The following AOAH variants were observed in gnomAD, a reference collection of about 807,000 sequenced individuals.
AOAH encodes the protein acyloxyacyl hydrolase (neutrophil).
Under a neutral mutation model 92.2 loss-of-function variants are expected in AOAH, and 64 were observed. That is an observed-to-expected ratio of 0.69 (90% confidence interval 0.57 to 0.86). AOAH has a LOEUF of 0.86. AOAH is among the 40% of genes least tolerant of loss of function. The probability of loss-of-function intolerance (pLI) is 0.00; values close to 1 mark genes in which losing one functional copy is unlikely to be tolerated. For synonymous variants in AOAH, 263 were observed against 254.5 expected, an observed-to-expected ratio of 1.03 and a Z score of -0.32; for missense variants, 656 against 694.6, an observed-to-expected ratio of 0.94 and a Z score of 0.62.
chr7:36,558,569 C>T lies in AOAH; in HGVS notation c.1022-9094G>A, dbSNP rs573092394. On this transcript the variant is annotated intron_variant, in intron 13 of 20. Transcript: ENST00000617537. ...TGTCTTTTTGTTTGTCTGTGCCCTGCCCCCAGAGGTGGAGCCTACAGAGGC... is the reference window on the plus strand; with the variant it reads ...TGTCTTTTTGTTTGTCTGTGCCCTGTCCCCAGAGGTGGAGCCTACAGAGGC... Among the ~76,000 whole-genome samples the T allele has an allele frequency of 2.0e-3, 311 of 152,380 alleles. 1 individual carries two copies. Among genetic ancestry groups the T allele is most frequent in the African/African-American group, 7.3e-3 (304 of 41,590 alleles).
chr7:36,560,387 T>C (rs1787169165), intron 13 of AOAH, among the ~76,000 whole-genome samples: 1 of 152,180 alleles, frequency 6.6e-6, no homozygotes, highest in African/African-American at 2.4e-5. Context: ...TTTCCATTTG[T>C]TTTGTGTCAT....
At position 36,686,775 on chromosome 7, in the gene AOAH, A is replaced by G. The variant is rs201507583; in HGVS notation, c.147T>C (p.Ser49=). ...GAACTTGAGCAAGCTGTTCTATTAC[A>G]GACACCACCAGCACACACCCTGCCA... ...HTCVGCVLVV[S]VIEQLAQVHN... The change falls in exon 2 of 21, where the codon TCT becomes TCC. Residue 49 remains serine, a synonymous_variant. Coordinates refer to ENST00000617537, the MANE Select transcript of AOAH (RefSeq NM_001637.4). The G allele has an allele frequency of 1.4e-4, 228 of 1,574,098 alleles. No homozygotes were observed. The highest frequency in any genetic ancestry group is 1.9e-4 in the Non-Finnish European group (216 of 1,159,568).
intron 4 of AOAH, among the ~76,000 whole-genome samples, chr7:36,640,852 T>G (rs538274281): frequency 1.3e-5 from 2 of 152,192 alleles, no homozygotes; most frequent in African/African-American, 4.8e-5. Flanking sequence ...CTGGCCGACT[T>G]GAAGCCGCTG....
chr7:36,645,412 C>A (rs562788236), intron 4 of AOAH, among the ~76,000 whole-genome samples: 11 of 152,284 alleles, frequency 7.2e-5, no homozygotes, highest in South Asian at 6.2e-4. Flanking sequence ...TTGTAAGGCA[C>A]ACAGTCTAGG....
Position 36,513,266 on chromosome 7 carries a change from G to T in AOAH, c.1714C>A (p.Gln572Lys), listed in dbSNP as rs1790148687. The change falls in exon 21 of 21, where the codon CAA (glutamine) becomes AAA (lysine). Residue 572 changes from glutamine to lysine, a missense_variant. Gln to Lys is a moderately conservative substitution (Grantham distance 53). Transcript: ENST00000617537. ...NPQIKQVFGD[Q>K]GGH Reference sequence around the variant, plus strand: ...TCCTGAGAGGCTCAGTGCCCGCCTTGGTCTCCAAACACCTGTTTAATCTGG... The same window carrying T: ...TCCTGAGAGGCTCAGTGCCCGCCTTTGTCTCCAAACACCTGTTTAATCTGG... The T allele has an allele frequency of 6.2e-7, 1 of 1,614,088 alleles. No homozygotes were observed. The highest frequency in any genetic ancestry group is 1.3e-5 in the African/African-American group (1 of 75,010).
chr7:36,684,881 T>C (rs1252003469), intron 2 of AOAH, among the ~76,000 whole-genome samples: 3 of 115,498 alleles, frequency 2.6e-5, no homozygotes, highest in Non-Finnish European at 4.8e-5. Context: ...CAGTTCACCC[T>C]GGGCGACAGA....
At chr7:36,648,154 G>A (rs1410866283) in intron 4 of AOAH, among the ~76,000 whole-genome samples, 1 of 152,028 alleles carries the variant, frequency 6.6e-6, no homozygotes, top group Non-Finnish European at 1.5e-5. Flanking sequence ...ATTACGCCCG[G>A]CCCTCTTAGA....
intron 16 of AOAH, among the ~76,000 whole-genome samples, chr7:36,539,962 T>C (rs935962773): frequency 5.3e-5 from 8 of 152,342 alleles, no homozygotes; most frequent in South Asian, 2.1e-4. Flanking sequence ...GCACTTACCA[T>C]TGAGGTTCAG....
At chr7:36,671,580 AGT>A (rs2116638201) in intron 3 of AOAH, among the ~76,000 whole-genome samples, 1 of 151,558 alleles carries the variant, frequency 6.6e-6, no homozygotes, top group South Asian at 2.1e-4. Context: ...TGTCTGTATG[AGT>A]GTGCATGTGC....
chr7:36,680,523 T>C (rs768792287), intron 2 of AOAH, among the ~76,000 whole-genome samples: 3 of 152,210 alleles, frequency 2.0e-5, no homozygotes, highest in Non-Finnish European at 4.4e-5. Flanking sequence ...CAGAAGGCAA[T>C]GCAATATTGG....
intron 10 of AOAH, among the ~76,000 whole-genome samples, chr7:36,617,467 G>A (rs1365667272): frequency 6.6e-6 from 1 of 152,198 alleles, no homozygotes; most frequent in Non-Finnish European, 1.5e-5. Context: ...AGGGCTTAAA[G>A]ACAATTAGGC....
At chr7:36,591,226 C>T (rs1046324079) in intron 12 of AOAH, among the ~76,000 whole-genome samples, 1 of 152,158 alleles carries the variant, frequency 6.6e-6, no homozygotes, top group Non-Finnish European at 1.5e-5. Context: ...AGCTTGGGGT[C>T]CCACAAACAC....
intron 20 of AOAH, among the ~76,000 whole-genome samples, chr7:36,515,374 C>CAT (rs1355604144): frequency 6.5e-5 from 8 of 123,108 alleles, no homozygotes; most frequent in African/African-American, 9.4e-5. Context: ...ACACCACACA[C>CAT]ACCACACCCC....
At chr7:36,716,127 C>G (rs539401038) in intron 1 of AOAH, among the ~76,000 whole-genome samples, 11 of 152,120 alleles carry the variant, frequency 7.2e-5, no homozygotes, top group Non-Finnish European at 1.6e-4. Flanking sequence ...AACAAATTTA[C>G]AAGAAAAAAC....
intron 5 of AOAH, among the ~76,000 whole-genome samples, chr7:36,632,853 G>A (rs1349606251): frequency 1.3e-5 from 2 of 152,236 alleles, no homozygotes; most frequent in Non-Finnish European, 2.9e-5. Context: ...CCTGGCAAGA[G>A]AGAATCAGCA....
At chr7:36,513,438 A>G in intron 20 of AOAH, 58 bp from the exon 21 acceptor site, 1 of 1,562,778 alleles carries the variant, frequency 6.4e-7, no homozygotes, top group Non-Finnish European at 8.7e-7. Context: ...TCACTTACCA[A>G]CAAGATTTCC....
At chr7:36,681,907 T>A (rs565579288) in intron 2 of AOAH, among the ~76,000 whole-genome samples, 2 of 152,068 alleles carry the variant, frequency 1.3e-5, no homozygotes, top group Non-Finnish European at 2.9e-5. Context: ...CAATGTGCAA[T>A]TAGGTGAGAA....
chr7:36,579,835 A>G (rs1041644520), intron 12 of AOAH, among the ~76,000 whole-genome samples: 1 of 152,166 alleles, frequency 6.6e-6, no homozygotes, highest in African/African-American at 2.4e-5. Context: ...TCCTTTGGCA[A>G]CACCCTCACA....
intron 11 of AOAH, among the ~76,000 whole-genome samples, chr7:36,599,438 A>G (rs1399757360): frequency 6.7e-6 from 1 of 150,124 alleles, no homozygotes; most frequent in Non-Finnish European, 1.5e-5. Flanking sequence ...TCCATCCTGC[A>G]CTGCTGTGGA....
Sources: allele counts gnomAD v4.1 joint callset (sites outside exome capture counted in the v4.1 genomes callset), GRCh38; gene constraint gnomAD v4.1.1; transcripts MANE v1.5; gene names NCBI Gene and HGNC (gene_info 2026-07-23, HGNC 2026-07-21).